RREB1: variants seen among roughly 807,000 people sequenced by gnomAD.
RREB1 encodes the protein ras responsive element binding protein 1.
Under a neutral mutation model 117.8 loss-of-function variants are expected in RREB1, and 27 were observed. That is an observed-to-expected ratio of 0.23 (90% CI 0.17 to 0.32). The LOEUF (loss-of-function observed/expected upper bound fraction) is 0.32. Ranked by LOEUF, RREB1 falls within the 10% of genes least tolerant of loss-of-function variation. The pLI, the probability that RREB1 is intolerant of heterozygous loss-of-function variation, is 1.00. For synonymous variants in RREB1, 1,298 were observed against 1,026.7 expected (o/e 1.26, Z -5.05); for missense variants, 2,577 against 2,378.2 (o/e 1.08, Z -1.74).
At chr6:7,236,473 G>C (rs1049753475) in intron 10 of RREB1, among the ~76,000 whole-genome samples, 4 of 152,084 alleles carry the variant, frequency 2.6e-5, no homozygotes, top group Admixed American at 2.6e-4. Flanking sequence ...CTTGTATTTG[G>C]CTCCTTTTAG....
intron 1 of RREB1, among the ~76,000 whole-genome samples, chr6:7,169,484 A>G (rs1452468575): frequency 6.6e-6 from 1 of 152,218 alleles, no homozygotes; most frequent in Admixed American, 6.5e-5. Flanking sequence ...GTTTAGGAAA[A>G]GTCTGGCTTT....
At chr6:7,141,499 G>A (rs1285920537) in intron 1 of RREB1, among the ~76,000 whole-genome samples, 5 of 152,182 alleles carry the variant, frequency 3.3e-5, no homozygotes, top group Admixed American at 1.3e-4. Flanking sequence ...TGGCTAGAGG[G>A]CATTTAGCCT....
At chr6:7,143,480 C>T (rs185301963) in intron 1 of RREB1, among the ~76,000 whole-genome samples, 10 of 152,262 alleles carry the variant, frequency 6.6e-5, no homozygotes, top group Admixed American at 2.0e-4. Flanking sequence ...GTTGGGCTTT[C>T]CCCCGACACT....
chr6:7,246,335 G>A (rs1769016215), intron 11 of RREB1, 89 bp from the exon 12 acceptor site: 4 of 1,200,792 alleles, frequency 3.3e-6, no homozygotes, highest in Non-Finnish European at 4.4e-6. Context: ...GGCTGCTGGC[G>A]TGGGTCTAGC....
chr6:7,222,855 T>C (rs150486630), intron 8 of RREB1, among the ~76,000 whole-genome samples: 114 of 152,190 alleles, frequency 7.5e-4, no homozygotes, highest in Non-Finnish European at 1.2e-3. Flanking sequence ...CTAATTGCCA[T>C]ATTAAGAGGC....
At position 7,236,955 on chromosome 6, in the gene RREB1, T is replaced by A. The variant is rs1263083186; in HGVS notation, c.3809-3483T>A. Among the ~76,000 whole-genome samples the A allele has an allele frequency of 1.6e-4, 23 of 147,886 alleles. 1 individual carries two copies. In the Admixed American group the frequency reaches 1.6e-3, roughly 10 times the overall value. ...TGTCACCCAAGCTAGAGTGCCTGTG[T>A]GCACCCTGGCTAGAGTACAGTGGCA... is the stretch of plus-strand genomic sequence containing the variant. On this transcript the variant is annotated intron_variant, in intron 10 of 12. Coordinates refer to ENST00000379938, the MANE Select transcript of RREB1 (RefSeq NM_001003699.4).
chr6:7,226,356 A>C, intron 8 of RREB1, 111 bp from the exon 9 acceptor site: 1 of 737,690 alleles, frequency 1.4e-6, no homozygotes. Context: ...ATTTTACTCA[A>C]TTGAAATGAA....
chr6:7,215,674 G>A (rs1484308943), intron 8 of RREB1: 1 of 152,168 alleles, frequency 6.6e-6, no homozygotes, highest in Admixed American at 6.5e-5. Context: ...AAAAGAAAGA[G>A]ACAAAATGAA....
At chr6:7,194,655 CTTAG>C (rs1445987855) in intron 6 of RREB1, among the ~76,000 whole-genome samples, 1 of 152,204 alleles carries the variant, frequency 6.6e-6, no homozygotes, top group African/African-American at 2.4e-5. Flanking sequence ...AAGTTCTAAT[CTTAG>C]TTCTGCAGAA....
At chr6:7,115,831 T>C (rs918478634) in intron 1 of RREB1, among the ~76,000 whole-genome samples, 5 of 152,112 alleles carry the variant, frequency 3.3e-5, no homozygotes, top group African/African-American at 1.2e-4. Context: ...TCCTCTCCCT[T>C]CCTTCTGGAA....
chr6:7,243,520 G>T (rs1282704063), intron 11 of RREB1, among the ~76,000 whole-genome samples: 2 of 152,210 alleles, frequency 1.3e-5, no homozygotes, highest in South Asian at 4.1e-4. Flanking sequence ...TGAGGGCGGG[G>T]ATTTATACAG....
At chr6:7,244,444 T>A (rs1768893706) in intron 11 of RREB1, among the ~76,000 whole-genome samples, 1 of 152,026 alleles carries the variant, frequency 6.6e-6, no homozygotes, top group Non-Finnish European at 1.5e-5. Flanking sequence ...GCAAACAAAT[T>A]GAGCGTTCTG....
chr6:7,134,457 C>G (rs1318336575), intron 1 of RREB1, among the ~76,000 whole-genome samples: 1 of 152,154 alleles, frequency 6.6e-6, no homozygotes, highest in Non-Finnish European at 1.5e-5. Flanking sequence ...TAATCAATGT[C>G]ATGTTATTTG....
At chr6:7,212,036 G>T (rs1223760258) in intron 8 of RREB1, 2 of 319,856 alleles carry the variant, frequency 6.3e-6, no homozygotes, top group African/African-American at 4.3e-5. Context: ...CTTCGCAAAA[G>T]ATGTTGCAAC....
intron 10 of RREB1, among the ~76,000 whole-genome samples, chr6:7,234,930 A>C (rs1581582606): frequency 6.6e-6 from 1 of 152,198 alleles, no homozygotes; most frequent in Admixed American, 6.5e-5. Context: ...GGCAGAGTGC[A>C]CCTTCCATGT....
In RREB1 at chr6:7,246,754, A is replaced by AGGCAGGCGCCGGGGGCGC. The variant is rs1439220025; in HGVS notation, c.4308_4325dup (p.Gly1437_Ala1442dup). ...TTCAAGCTGGCGGAGGGCGACGGCG[A>AGGCAGGCGCCGGGGGCGC]GGCAGGCGCCGGGGGCGCGGCCTCG... On this transcript the variant is annotated inframe_insertion, in exon 12 of 13. Transcript: ENST00000379938. The AGGCAGGCGCCGGGGGCGC allele has an allele frequency of 4.0e-5, 63 of 1,567,896 alleles. No individual in the cohort carries two copies. Among genetic ancestry groups the AGGCAGGCGCCGGGGGCGC allele is most frequent in the Non-Finnish European group, 5.1e-5 (59 of 1,157,422 alleles).
Position 7,248,506 on chromosome 6 carries a change from T to A in RREB1, c.4772-5T>A. The A allele has an allele frequency of 6.2e-7, 1 of 1,613,508 alleles. No individual in the cohort carries two copies. The highest frequency in any genetic ancestry group is 1.1e-5 in the South Asian group (1 of 91,072). On this transcript the variant is annotated splice_polypyrimidine_tract_variant and splice_region_variant and intron_variant, in intron 12 of 12. Transcript: ENST00000379938. ...TAATGGAAATTCTTTCTTCCATTGTTCCAGGGGAAAGGCCATACAAATGTC... is the reference window on the plus strand; with the variant it reads ...TAATGGAAATTCTTTCTTCCATTGTACCAGGGGAAAGGCCATACAAATGTC...
intron 1 of RREB1, among the ~76,000 whole-genome samples, chr6:7,131,238 T>A (rs1270034328): frequency 1.3e-5 from 2 of 152,214 alleles, no homozygotes; most frequent in Non-Finnish European, 2.9e-5. Context: ...TACTCATTTC[T>A]AAGAAGCAAA....
At chr6:7,233,147 TG>T (rs1259525919) in intron 10 of RREB1, among the ~76,000 whole-genome samples, 3 of 152,076 alleles carry the variant, frequency 2.0e-5, no homozygotes, top group African/African-American at 4.8e-5. Flanking sequence ...CTGCCCACCT[TG>T]GCCTCTCAAA....
Sources: allele counts gnomAD v4.1 joint callset (sites outside exome capture counted in the v4.1 genomes callset), GRCh38; gene constraint gnomAD v4.1.1; transcripts MANE v1.5; gene names NCBI Gene and HGNC (gene_info 2026-07-23, HGNC 2026-07-21).